CEMIP: variants seen among roughly 807,000 people sequenced by gnomAD.
CEMIP encodes cell migration inducing hyaluronidase 1, also known as cell migration-inducing and hyaluronan-binding protein.
CEMIP carries 105 observed loss-of-function variants against 156.9 expected under a neutral mutation model. The observed-to-expected ratio is 0.67, with a 90% confidence interval of 0.57 to 0.79. The LOEUF (loss-of-function observed/expected upper bound fraction) is 0.79, where lower values mean the gene tolerates loss of function less well. Among genes scored for constraint, CEMIP ranks in the 30% least tolerant of loss-of-function variants. The probability of loss-of-function intolerance (pLI) is 0.00; values close to 1 mark genes in which losing one functional copy is unlikely to be tolerated. For synonymous variants in CEMIP, 676 were observed against 668.4 expected (o/e 1.01, Z -0.17); for missense variants, 1,457 against 1,769.4 (o/e 0.82, Z 3.17).
intron 18 of CEMIP, among the ~76,000 whole-genome samples, chr15:80,925,001 C>G (rs995154507): frequency 6.6e-6 from 1 of 152,122 alleles, no homozygotes; most frequent in Non-Finnish European, 1.5e-5. Context: ...GTAGGTTGGG[C>G]CAGGATGAAA....
At chr15:80,947,808 G>T (rs1204016041) in intron 29 of CEMIP, 2 of 152,384 alleles carry the variant, frequency 1.3e-5, no homozygotes, top group African/African-American at 4.8e-5. Flanking sequence ...AACCTGTGCA[G>T]CAGGTACTAT....
chr15:80,893,388 A>C (rs1899100928), intron 10 of CEMIP, among the ~76,000 whole-genome samples: 1 of 152,116 alleles, frequency 6.6e-6, no homozygotes, highest in African/African-American at 2.4e-5. Context: ...TTCAGGTTAG[A>C]AAAAAGGAAA....
At chr15:80,867,982 C>A (rs191219136) in intron 1 of CEMIP, among the ~76,000 whole-genome samples, 14 of 152,282 alleles carry the variant, frequency 9.2e-5, no homozygotes, top group South Asian at 2.1e-4. Context: ...GGGAAGATTT[C>A]TGTCCCATGG....
chr15:80,850,009 G>A (rs1409004458), intron 1 of CEMIP, among the ~76,000 whole-genome samples: 2 of 152,322 alleles, frequency 1.3e-5, no homozygotes, highest in Admixed American at 6.5e-5. Context: ...GGGCGGCACC[G>A]CAAGCTTTAG....
At chr15:80,827,861 A>C (rs1897073899) in intron 1 of CEMIP, among the ~76,000 whole-genome samples, 1 of 152,174 alleles carries the variant, frequency 6.6e-6, no homozygotes, top group South Asian at 2.1e-4. Flanking sequence ...ATTTACTGTC[A>C]GTTTATCAGT....
At chr15:80,923,463 GCCACATAGAA>G (rs1244956332) in intron 17 of CEMIP, among the ~76,000 whole-genome samples, 1 of 152,144 alleles carries the variant, frequency 6.6e-6, no homozygotes, top group Non-Finnish European at 1.5e-5. Context: ...AGGGAGGTGG[GCCACATAGAA>G]CCTAGCAGGT....
At chr15:80,830,001 T>TGCGC (rs199685035) in intron 1 of CEMIP, among the ~76,000 whole-genome samples, 931 of 81,496 alleles carry the variant, frequency 0.011, 14 homozygotes, top group African/African-American at 0.039. Flanking sequence ...TGTGTGTGTG[T>TGCGC]GCGCGCATGT....
chr15:80,845,082 T>G (rs1386099416), intron 1 of CEMIP, among the ~76,000 whole-genome samples: 1 of 152,192 alleles, frequency 6.6e-6, no homozygotes, highest in Non-Finnish European at 1.5e-5. Context: ...TAAAGCTAAA[T>G]TGTTCTGCAT....
intron 1 of CEMIP, among the ~76,000 whole-genome samples, chr15:80,792,145 G>C (rs1222606725): frequency 6.6e-6 from 1 of 152,200 alleles, no homozygotes; most frequent in Non-Finnish European, 1.5e-5. Context: ...AGGAGAGAAA[G>C]TCACAAAGGC....
chr15:80,789,854 G>A (rs535618520), intron 1 of CEMIP, among the ~76,000 whole-genome samples: 1 of 152,306 alleles, frequency 6.6e-6, no homozygotes, highest in South Asian at 2.1e-4. Context: ...TAAATAAAAA[G>A]CTATTTTTGA....
intron 10 of CEMIP, among the ~76,000 whole-genome samples, chr15:80,890,233 A>G (rs908275944): frequency 6.6e-6 from 1 of 152,132 alleles, no homozygotes; most frequent in Non-Finnish European, 1.5e-5. Flanking sequence ...CCTTATGCCC[A>G]GTCTCATTCC....
chr15:80,811,782 C>T (rs761372122), intron 1 of CEMIP, among the ~76,000 whole-genome samples: 11 of 151,868 alleles, frequency 7.2e-5, no homozygotes, highest in South Asian at 2.1e-4. Context: ...GTCTTGAACT[C>T]GTGAGCTCAA....
intron 1 of CEMIP, among the ~76,000 whole-genome samples, chr15:80,873,088 A>C (rs186678851): frequency 9.2e-5 from 14 of 152,350 alleles, no homozygotes; most frequent in Non-Finnish European, 1.5e-5. Context: ...CTGGAATTCA[A>C]ACACTACACT....
At chr15:80,818,208 T>A (rs1035619310) in intron 1 of CEMIP, among the ~76,000 whole-genome samples, 1 of 152,248 alleles carries the variant, frequency 6.6e-6, no homozygotes, top group African/African-American at 2.4e-5. Context: ...CTCACAGTCA[T>A]GCAAGACCCC....
intron 18 of CEMIP, 135 bp from the exon 19 acceptor site, chr15:80,925,489 T>C (rs1184839573): frequency 8.3e-7 from 1 of 1,199,436 alleles, no homozygotes; most frequent in Middle Eastern, 2.8e-4. Flanking sequence ...GCCCAGGCAA[T>C]GCGAATGGGT....
chr15:80,822,270 G>A (rs1896928394), intron 1 of CEMIP, among the ~76,000 whole-genome samples: 1 of 152,194 alleles, frequency 6.6e-6, no homozygotes, highest in Non-Finnish European at 1.5e-5. Flanking sequence ...GCTGTTGACT[G>A]AATGCATGAG....
chr15:80,838,252 G>C (rs985085283), intron 1 of CEMIP, among the ~76,000 whole-genome samples: 3 of 152,138 alleles, frequency 2.0e-5, no homozygotes, highest in Non-Finnish European at 4.4e-5. Flanking sequence ...TGGAGCAACG[G>C]GTCTTGCAGG....
intron 1 of CEMIP, among the ~76,000 whole-genome samples, chr15:80,826,754 T>C (rs947687392): frequency 2.6e-5 from 4 of 152,244 alleles, no homozygotes; most frequent in African/African-American, 9.6e-5. Flanking sequence ...CAGGGATGGA[T>C]GCCTTTAACT....
At chr15:80,786,686 A>G (rs1272201055) in intron 1 of CEMIP, among the ~76,000 whole-genome samples, 3 of 152,026 alleles carry the variant, frequency 2.0e-5, no homozygotes, top group Non-Finnish European at 4.4e-5. Context: ...TCCAACAAAG[A>G]TGGGGTACAT....
Sources: gnomAD v4.1 joint callset for allele counts (sites outside exome capture counted in the v4.1 genomes callset) on GRCh38, gnomAD v4.1.1 for gene constraint, MANE v1.5 for transcripts, NCBI Gene and HGNC (gene_info 2026-07-23, HGNC 2026-07-21) for gene names.